RRBP1: variants seen among roughly 807,000 people sequenced by gnomAD.
The protein encoded by RRBP1 is ribosome-binding protein 1.
In RRBP1, 94 loss-of-function variants were observed where a neutral mutation model predicts 165.2. The observed-to-expected ratio is 0.57, with a 90% confidence interval of 0.48 to 0.68. The LOEUF (loss-of-function observed/expected upper bound fraction) is 0.68. Ranked by LOEUF, RRBP1 falls within the 30% of genes least tolerant of loss-of-function variation. The pLI is 0.00. For missense variants in RRBP1, 1,676 were observed against 1,763.0 expected (o/e 0.95, Z 0.88); for synonymous variants, 680 against 714.5 (o/e 0.95, Z 0.77).
chr20:17,672,139 A>G (rs6080774), intron 2 of RRBP1, among the ~76,000 whole-genome samples: 140,148 of 152,250 alleles, frequency 0.92, 65,171 homozygotes, highest in East Asian at 0.99. Context: ...AGAGGTGGGC[A>G]GAGCTTCTAA....
Position 17,624,663 on chromosome 20 carries a change from G to C in RRBP1, c.3060C>G (p.Leu1020=). The change falls in exon 13 of 25, where the codon CTC becomes CTG. Residue 1020 remains leucine (L), a synonymous_variant. Transcript: ENST00000377813. The stretch of plus-strand genomic sequence containing the variant: ...CCATGGCCTTCCAGTTCTTCTCCCG[G>C]AGGTCCTGGAGGGGACACAGGTGAA... ...VEQQKVKNND[L]REKNWKAMEA... 1 of 1,577,288 alleles carries C rather than the reference G, an allele frequency of 6.3e-7. No homozygotes were observed. Among genetic ancestry groups the C allele is most frequent in the Non-Finnish European group, 8.6e-7 (1 of 1,161,930 alleles).
intron 20 of RRBP1, among the ~76,000 whole-genome samples, chr20:17,617,181 C>T (rs370766488): frequency 1.3e-5 from 2 of 152,228 alleles, no homozygotes; most frequent in East Asian, 1.9e-4. Context: ...CTGTCTACAC[C>T]CCCCGTTTCT....
chr20:17,652,752 GC>G (rs2036580714), intron 3 of RRBP1, among the ~76,000 whole-genome samples: 1 of 152,236 alleles, frequency 6.6e-6, no homozygotes, highest in Non-Finnish European at 1.5e-5. Context: ...GCCAGTGGGG[GC>G]CGCCGCAGCC....
At chr20:17,637,992 A>G (rs1008664221) in intron 5 of RRBP1, among the ~76,000 whole-genome samples, 1 of 152,186 alleles carries the variant, frequency 6.6e-6, no homozygotes, top group African/African-American at 2.4e-5. Flanking sequence ...GCTGGGGAGC[A>G]GCTCTAAGAG....
intron 8 of RRBP1, among the ~76,000 whole-genome samples, 179 bp downstream of exon 8, chr20:17,633,281 T>C (rs1417136817): frequency 2.0e-5 from 3 of 152,204 alleles, no homozygotes; most frequent in Non-Finnish European, 4.4e-5. Flanking sequence ...CTGTAACTAC[T>C]ACCAAGGAGA....
rs185063845 is a variant in RRBP1 at position 17,678,850 on chromosome 20, G to A, written c.-22+1149C>T. Among the ~76,000 whole-genome samples, 5 of 152,250 alleles carry A rather than the reference G, an allele frequency of 3.3e-5. No homozygotes were observed. In the East Asian group the frequency reaches 5.8e-4, roughly 18 times the overall value. On this transcript the variant is annotated intron_variant, in intron 2 of 24. Transcript: ENST00000377813. ...CAGGCAAGAACTAGGTCTCACTTGC[G>A]GTGTTTGAAGGCCCACCACACAGGA...
chr20:17,614,234 C>G lies in RRBP1; in HGVS notation c.4195-14G>C. 6.2e-7 allele frequency: 1 copy of G among 1,612,690 alleles called. No homozygotes were observed. The highest frequency in any genetic ancestry group is 8.5e-7 in the Non-Finnish European group (1 of 1,179,912). On this transcript the variant is annotated splice_polypyrimidine_tract_variant and intron_variant, in intron 24 of 24. Transcript: ENST00000377813. The stretch of plus-strand genomic sequence containing the variant: ...GCTGCCGTCCTCCTGTGAACGAAGG[C>G]AGGTGGCGTGAGGGGGGCTGGGCCA...
At chr20:17,614,554 G>A (rs1270560117) in intron 24 of RRBP1, among the ~76,000 whole-genome samples, 183 bp downstream of exon 24, 1 of 152,150 alleles carries the variant, frequency 6.6e-6, no homozygotes, top group African/African-American at 2.4e-5. Context: ...CGGGTGGGCT[G>A]AAGCCCTCGT....
intron 2 of RRBP1, among the ~76,000 whole-genome samples, chr20:17,677,467 GTACTAA>G (rs765338416): frequency 1.6e-4 from 25 of 152,132 alleles, no homozygotes; most frequent in Non-Finnish European, 3.1e-4. Flanking sequence ...TCTTTACAGA[GTACTAA>G]TACTAAGATG....
chr20:17,664,582 GTTC>G (rs1307141520), intron 2 of RRBP1, among the ~76,000 whole-genome samples: 1 of 152,218 alleles, frequency 6.6e-6, no homozygotes, highest in African/African-American at 2.4e-5. Context: ...CTCTTCTTCT[GTTC>G]TTAAGATTCG....
At chr20:17,653,833 CAAAAAAA>C (rs1299830911) in intron 3 of RRBP1, among the ~76,000 whole-genome samples, 1 of 75,606 alleles carries the variant, frequency 1.3e-5, no homozygotes, top group Non-Finnish European at 2.6e-5. Flanking sequence ...GACTCCATCT[CAAAAAAA>C]AAAAAAAAAA....
rs73599769 is a variant in RRBP1 at position 17,680,899 on chromosome 20, C to T, written c.-98-824G>A. 6.3e-3 allele frequency among the ~76,000 whole-genome samples: 965 copies of T among 152,240 alleles called. 28 individuals are homozygous for T. Among genetic ancestry groups the T allele is most frequent in the Admixed American group, 0.046 (699 of 15,298 alleles). On this transcript the variant is annotated intron_variant, in intron 1 of 24. Transcript: ENST00000377813. ...CCTCGCAAATCGAAGCTAACAGGAG[C>T]CCCGATTTGCAGACCAGGAAATGGA...
intron 9 of RRBP1, 62 bp from the exon 10 acceptor site, chr20:17,627,744 T>C: frequency 6.8e-7 from 1 of 1,468,584 alleles, no homozygotes; most frequent in Non-Finnish European, 9.2e-7. Context: ...GTGTGGAGGA[T>C]GCCCTCACTG....
intron 10 of RRBP1, 39 bp from the exon 11 acceptor site, chr20:17,627,421 C>T (rs373301541): frequency 1.5e-4 from 245 of 1,613,046 alleles, no homozygotes; most frequent in Non-Finnish European, 2.0e-4. Flanking sequence ...CTCCAGGAGA[C>T]TCATCTCACG....
chr20:17,624,833 G>A (rs1463863139), intron 12 of RRBP1, among the ~76,000 whole-genome samples, 165 bp from the exon 13 acceptor site: 5 of 152,228 alleles, frequency 3.3e-5, no homozygotes, highest in African/African-American at 4.8e-5. Context: ...TGACCATGGC[G>A]CCTGAACACA....
chr20:17,621,729 C>T lies in RRBP1; in HGVS notation c.3285G>A (p.Thr1095=), dbSNP rs567975031. Residue 1095 remains threonine, a synonymous_variant, in exon 15 of 25, where the codon ACG becomes ACA. Coordinates refer to ENST00000377813, the MANE Select transcript of RRBP1 (RefSeq NM_001365613.2). The stretch of plus-strand genomic sequence containing the variant: ...CGGGAGCTGGCGGGTGCTTCAGCAG[C>T]GTGGGGCCTTTCTCTTTGAGATCCT... ...WLQDLKEKGP[T]LLKHPPAPAE... The T allele has an allele frequency of 4.6e-5, 74 of 1,613,718 alleles. No individual in the cohort carries two copies. The Middle Eastern group carries it at 1.3e-3, about 29-fold the overall frequency.
At chr20:17,621,644 G>A in intron 15 of RRBP1, 46 bp downstream of exon 15, 2 of 1,598,522 alleles carry the variant, frequency 1.3e-6, no homozygotes, top group Non-Finnish European at 8.6e-7. Context: ...TCTTCCTGGG[G>A]ACAGGGGAGC....
At chr20:17,661,151 G>A (rs1462966779) in intron 2 of RRBP1, among the ~76,000 whole-genome samples, 1 of 152,226 alleles carries the variant, frequency 6.6e-6, no homozygotes, top group African/African-American at 2.4e-5. Context: ...CAGGCCCACA[G>A]TGTGCCATCT....
chr20:17,627,721 C>A (rs754178868), intron 9 of RRBP1, 39 bp from the exon 10 acceptor site: 3 of 1,545,934 alleles, frequency 1.9e-6, no homozygotes, highest in South Asian at 2.5e-5. Flanking sequence ...TAAGAGACTG[C>A]AAACCCCAGG....
Sources: gnomAD v4.1 joint callset for allele counts (sites outside exome capture counted in the v4.1 genomes callset) on GRCh38, gnomAD v4.1.1 for gene constraint, MANE v1.5 for transcripts, NCBI Gene and HGNC (gene_info 2026-07-23, HGNC 2026-07-21) for gene names.